Variants in RBM25 observed in about 807,000 individuals in gnomAD.
RBM25 encodes RNA binding motif protein 25.
A neutral mutation model predicts 120.7 loss-of-function variants in RBM25; 19 were observed. The observed-to-expected ratio is 0.16, with a 90% CI of 0.11 to 0.23. The LOEUF (loss-of-function observed/expected upper bound fraction) is 0.23, where lower values mean the gene tolerates loss of function less well. RBM25 is among the 10% of genes least tolerant of loss of function. The pLI is 1.00. For missense variants in RBM25, 605 were observed against 1,041.5 expected, an observed-to-expected ratio of 0.58 and a Z score of 5.77; for synonymous variants, 390 against 326.7, an observed-to-expected ratio of 1.19 and a Z score of -2.09.
chr14:73,113,663 G>A (rs1594937013), intron 17 of RBM25, among the ~76,000 whole-genome samples: 1 of 151,848 alleles, frequency 6.6e-6, no homozygotes, highest in African/African-American at 2.4e-5. Context: ...TGCACTCCAA[G>A]CCTGTGTGAC....
rs1896515834 is a variant in RBM25 at position 73,120,226 on chromosome 14, ACT to A, written c.*426_*427del. 1 of 153,480 alleles carries A rather than the reference ACT, an allele frequency of 6.5e-6. No individual in the cohort carries two copies. The highest frequency in any genetic ancestry group is 6.5e-5 in the Admixed American group (1 of 15,270). 9.5% of individuals were successfully genotyped at this position (153,480 alleles called of 1,614,324 possible). A position where few individuals can be genotyped will look rare whatever the true frequency, so the allele number is the denominator to read the frequency against. ...CCAGTCATAAACTATTACCACCCCC[ACT>A]CTCTTTTGATCAGAAATGGCAAGCC... On this transcript the variant is annotated 3_prime_UTR_variant, in exon 19 of 19. Coordinates refer to ENST00000261973, the MANE Select transcript of RBM25 (RefSeq NM_021239.3).
At chr14:73,073,334 A>G (rs1398045464) in intron 2 of RBM25, among the ~76,000 whole-genome samples, 1 of 152,116 alleles carries the variant, frequency 6.6e-6, no homozygotes, top group Non-Finnish European at 1.5e-5. Flanking sequence ...CCCCAAGATA[A>G]ATATGGGAAT....
intron 5 of RBM25, among the ~76,000 whole-genome samples, chr14:73,085,320 T>TCTTGTCGC (rs1397107384): frequency 2.4e-4 from 31 of 129,688 alleles, no homozygotes; most frequent in Middle Eastern, 4.9e-3. Context: ...CCCGGCCTCA[T>TCTTGTCGC]CAGTAGTCTG....
chr14:73,083,458 A>T (rs753921112), intron 4 of RBM25, 36 bp from the exon 5 acceptor site: 1 of 1,478,578 alleles, frequency 6.8e-7, no homozygotes, highest in South Asian at 1.3e-5. Context: ...ATTTTGTTAA[A>T]TGGTAGCAAT....
chr14:73,100,395 A>G (rs1896033276), intron 9 of RBM25: 9 of 611,176 alleles, frequency 1.5e-5, no homozygotes, highest in South Asian at 1.3e-4. Context: ...TATTATATTT[A>G]TGGATGCCCC....
chr14:73,086,800 G>A (rs929989177), intron 5 of RBM25, among the ~76,000 whole-genome samples: 11 of 152,114 alleles, frequency 7.2e-5, no homozygotes, highest in African/African-American at 2.4e-4. Flanking sequence ...TGCCTCCCGG[G>A]TTCAAGCAAT....
chr14:73,077,636 A>G, intron 4 of RBM25, 100 bp downstream of exon 4: 1 of 1,120,608 alleles, frequency 8.9e-7, no homozygotes, highest in Non-Finnish European at 1.2e-6. Context: ...TTTATTTTAA[A>G]AAATTTCAGT....
chr14:73,063,443 C>T (rs1895053115), intron 1 of RBM25, among the ~76,000 whole-genome samples: 1 of 151,390 alleles, frequency 6.6e-6, no homozygotes, highest in Admixed American at 6.6e-5. Flanking sequence ...GCCACCGCGC[C>T]CGGCCCGGAG....
intron 16 of RBM25, 145 bp from the exon 17 acceptor site, chr14:73,112,007 A>G: frequency 3.0e-6 from 3 of 1,004,704 alleles, no homozygotes; most frequent in South Asian, 3.1e-5. Context: ...TACTAAAAGC[A>G]GATGATTGTA....
chr14:73,070,925 G>A (rs1361479343), intron 1 of RBM25, among the ~76,000 whole-genome samples: 2 of 137,798 alleles, frequency 1.5e-5, no homozygotes, highest in Non-Finnish European at 1.5e-5. Context: ...CCAGCCTGGC[G>A]ATAGAGCGAG....
chr14:73,115,573 A>G (rs950376627), intron 18 of RBM25, among the ~76,000 whole-genome samples: 6 of 152,212 alleles, frequency 3.9e-5, no homozygotes, highest in African/African-American at 1.4e-4. Context: ...CACCTGTTGT[A>G]TTGACAGTAA....
Position 73,097,201 on chromosome 14 carries a change from T to TTTTTC in RBM25, c.729+105_729+106insCTTTT, listed in dbSNP as rs1895964205. On this transcript the variant is annotated intron_variant, in intron 7 of 18. Transcript: ENST00000261973. ...TCAGTTTTCTTTTTTCTTTTCTTTT[T>TTTTTC]TTTTTTTTTTTTTTTTTGAGATGGA... The TTTTTC allele has an allele frequency of 4.7e-5, 9 of 191,042 alleles. 1 individual carries two copies. In the African/African-American group the frequency reaches 1.1e-3, roughly 24 times the overall value. 11.8% of individuals were successfully genotyped at this position (191,042 alleles called of 1,614,324 possible).
chr14:73,118,187 A>G (rs888643172), intron 18 of RBM25, among the ~76,000 whole-genome samples: 5 of 152,136 alleles, frequency 3.3e-5, no homozygotes, highest in African/African-American at 1.2e-4. Flanking sequence ...TTAAGATGGT[A>G]CGGTTGGGCT....
chr14:73,105,760 G>C, intron 10 of RBM25, 99 bp from the exon 11 acceptor site: 1 of 1,518,846 alleles, frequency 6.6e-7, no homozygotes, highest in Admixed American at 2.2e-5. Flanking sequence ...TGGCCTGTGA[G>C]ATTTTATATT....
chr14:73,078,324 AAAAAAT>A (rs1444995485), intron 4 of RBM25, among the ~76,000 whole-genome samples: 1 of 151,758 alleles, frequency 6.6e-6, no homozygotes. Flanking sequence ...GACAGGGATT[AAAAAAT>A]AAAAATAAAA....
At chr14:73,077,272 A>G in intron 3 of RBM25, 97 bp from the exon 4 acceptor site, 1 of 1,045,890 alleles carries the variant, frequency 9.6e-7, no homozygotes, top group African/African-American at 1.6e-5. Flanking sequence ...ATAATGTGCT[A>G]TATATATTTA....
rs1055810278 is a variant in RBM25, at chr14:73,121,572, C to A, written c.*1767C>A. On this transcript the variant is annotated 3_prime_UTR_variant, in exon 19 of 19. Transcript: ENST00000261973. ...CAGAAAAGATGCCCCTTGCCATTTT[C>A]GTTAATTTTTCAGTCTTTTCTTAGA... The A allele has an allele frequency of 6.6e-6, 1 of 152,136 alleles. No homozygotes were observed. Among genetic ancestry groups the A allele is most frequent in the Non-Finnish European group, 1.5e-5 (1 of 68,008 alleles). 9.4% of individuals were successfully genotyped at this position (152,136 alleles called of 1,614,324 possible).
At chr14:73,070,188 C>G (rs982293297) in intron 1 of RBM25, among the ~76,000 whole-genome samples, 48 of 151,026 alleles carry the variant, frequency 3.2e-4, no homozygotes, top group Non-Finnish European at 1.5e-4. Context: ...GCTGGGATTA[C>G]AGGCGCACAC....
chr14:73,077,613 T>G, intron 4 of RBM25, 77 bp downstream of exon 4: 2 of 1,301,170 alleles, frequency 1.5e-6, no homozygotes, highest in South Asian at 3.2e-5. Context: ...AAGAAGACTT[T>G]CAGTGATTGC....
Sources: gnomAD v4.1 joint callset for allele counts (sites outside exome capture counted in the v4.1 genomes callset) on GRCh38, gnomAD v4.1.1 for gene constraint, MANE v1.5 for transcripts, NCBI Gene and HGNC (gene_info 2026-07-23, HGNC 2026-07-21) for gene names.